HTR1F: variants seen among roughly 807,000 people sequenced by gnomAD.
The protein encoded by HTR1F is 5-hydroxytryptamine (serotonin) receptor 1F, G protein-coupled.
HTR1F carries 17 observed loss-of-function variants against 24.0 expected under a neutral mutation model. The observed-to-expected ratio is 0.71, with a 90% CI of 0.48 to 1.06. The LOEUF (loss-of-function observed/expected upper bound fraction) is 1.06. Ranked by LOEUF, HTR1F falls within the 50% of genes least tolerant of loss-of-function variation. The probability of loss-of-function intolerance (pLI) is 0.00; values close to 1 mark genes in which losing one functional copy is unlikely to be tolerated. For synonymous variants in HTR1F, 186 were observed against 156.8 expected (o/e 1.19, Z -1.39); for missense variants, 391 against 427.8 (o/e 0.91, Z 0.76).
intron 1 of HTR1F, among the ~76,000 whole-genome samples, chr3:87,807,559 C>T (rs1204092366): frequency 1.3e-4 from 20 of 151,914 alleles, no homozygotes; most frequent in Admixed American, 1.2e-3. Flanking sequence ...AAGATCATAT[C>T]GTCAGCAAAC....
intron 2 of HTR1F, among the ~76,000 whole-genome samples, chr3:87,945,832 G>C (rs116127967): frequency 6.6e-6 from 1 of 151,964 alleles, no homozygotes; most frequent in Admixed American, 6.6e-5. Context: ...GGCTTTAGAG[G>C]TCCCTTCTTG....
chr3:87,897,518 A>G (rs1706225796), intron 2 of HTR1F, among the ~76,000 whole-genome samples: 1 of 152,144 alleles, frequency 6.6e-6, no homozygotes, highest in Non-Finnish European at 1.5e-5. Context: ...TAATGGATAT[A>G]GTGATCCATG....
chr3:87,923,939 T>C (rs368279898), intron 2 of HTR1F, among the ~76,000 whole-genome samples: 4 of 152,086 alleles, frequency 2.6e-5, no homozygotes, highest in Admixed American at 6.6e-5. Context: ...ATTGAGGATA[T>C]TGGCCTTTAG....
At chr3:87,904,342 G>A (rs371956973) in intron 2 of HTR1F, among the ~76,000 whole-genome samples, 3 of 152,086 alleles carry the variant, frequency 2.0e-5, no homozygotes, top group Admixed American at 6.6e-5. Flanking sequence ...CACTCAATAC[G>A]CTTTGATTAA....
At chr3:87,822,355 G>A (rs1210201477) in intron 2 of HTR1F, among the ~76,000 whole-genome samples, 1 of 152,128 alleles carries the variant, frequency 6.6e-6, no homozygotes, top group African/African-American at 2.4e-5. Flanking sequence ...GGAAAATAGG[G>A]TGGAGACTTG....
intron 2 of HTR1F, among the ~76,000 whole-genome samples, chr3:87,963,710 A>G (rs1023040462): frequency 3.3e-5 from 5 of 152,128 alleles, no homozygotes; most frequent in African/African-American, 1.2e-4. Context: ...CAACTTCTCA[A>G]TGGAGGTGAA....
At chr3:87,796,118 T>A (rs2107052164) in intron 1 of HTR1F, among the ~76,000 whole-genome samples, 1 of 152,284 alleles carries the variant, frequency 6.6e-6, no homozygotes, top group South Asian at 2.1e-4. Context: ...TGTCAGGCAG[T>A]CACTAGTGTT....
At chr3:87,941,599 G>T (rs1704570355) in intron 2 of HTR1F, among the ~76,000 whole-genome samples, 1 of 152,136 alleles carries the variant, frequency 6.6e-6, no homozygotes. Context: ...GATAATGCCT[G>T]GCCAAATAGA....
chr3:87,914,845 G>A lies in HTR1F; in HGVS notation c.-42-75863G>A, dbSNP rs899241269. 1.7e-4 allele frequency among the ~76,000 whole-genome samples: 26 copies of A among 152,038 alleles called. 1 individual carries two copies. Among genetic ancestry groups the A allele is most frequent in the African/African-American group, 6.3e-4 (26 of 41,394 alleles). ...ATTTCCTCCCCATACTACCACAGCT[G>A]ATGCTCTCTGGAAAGCACCACCCCC... On this transcript the variant is annotated intron_variant, in intron 2 of 2. Transcript: ENST00000319595.
intron 1 of HTR1F, among the ~76,000 whole-genome samples, chr3:87,801,545 G>A (rs1703989712): frequency 1.3e-5 from 2 of 152,184 alleles, no homozygotes; most frequent in South Asian, 4.1e-4. Flanking sequence ...GAAGTACGTT[G>A]ATCTGGTCTG....
intron 2 of HTR1F, among the ~76,000 whole-genome samples, chr3:87,900,761 T>C (rs772297843): frequency 1.3e-5 from 2 of 152,192 alleles, no homozygotes; most frequent in Non-Finnish European, 2.9e-5. Context: ...CCAAGGGTTT[T>C]ATACTGAGCA....
intron 1 of HTR1F, among the ~76,000 whole-genome samples, chr3:87,808,220 G>GA (rs1208791560): frequency 1.3e-5 from 2 of 151,882 alleles, no homozygotes; most frequent in East Asian, 3.9e-4. Context: ...CAGTTTGATA[G>GA]AATTTGGCAG....
At chr3:87,886,238 A>G (rs1239356025) in intron 2 of HTR1F, among the ~76,000 whole-genome samples, 1 of 152,164 alleles carries the variant, frequency 6.6e-6, no homozygotes, top group Non-Finnish European at 1.5e-5. Context: ...AAGGACAAAA[A>G]CCACATGATT....
At chr3:87,856,508 T>C (rs1482740336) in intron 2 of HTR1F, among the ~76,000 whole-genome samples, 1 of 152,108 alleles carries the variant, frequency 6.6e-6, no homozygotes, top group African/African-American at 2.4e-5. Flanking sequence ...TTTGAAAGTT[T>C]AAAGTGTCCC....
rs10540515 is a variant in HTR1F at position 87,880,646 on chromosome 3, T to TTGTGTG, written c.-43+58548_-43+58553dup. Among the ~76,000 whole-genome samples the TTGTGTG allele has an allele frequency of 8.0e-3, 1,174 of 147,258 alleles. 8 individuals carry two copies. The highest frequency in any genetic ancestry group is 0.023 in the African/African-American group (943 of 40,436). ...AGCTACAAAATGTGTGTGTGTTTGT[T>TTGTGTG]TGTGTGTGTGTGTGTGTGTGTGTGT... On this transcript the variant is annotated intron_variant, in intron 2 of 2. Transcript: ENST00000319595.
intron 2 of HTR1F, among the ~76,000 whole-genome samples, chr3:87,861,595 A>G (rs910536806): frequency 1.3e-5 from 2 of 152,162 alleles, no homozygotes; most frequent in African/African-American, 2.4e-5. Flanking sequence ...AATATTTAAC[A>G]TGCCTTACAG....
chr3:87,850,425 A>T (rs925278890), intron 2 of HTR1F, among the ~76,000 whole-genome samples: 2 of 151,878 alleles, frequency 1.3e-5, no homozygotes, highest in African/African-American at 4.9e-5. Context: ...ACATGAACAC[A>T]GGAAGGGTAA....
At chr3:87,947,629 GC>G (rs1173906866) in intron 2 of HTR1F, among the ~76,000 whole-genome samples, 1 of 151,990 alleles carries the variant, frequency 6.6e-6, no homozygotes, top group Admixed American at 6.6e-5. Context: ...ACCCCAAAAG[GC>G]CAGCAATAGC....
At chr3:87,903,284 T>G (rs1212989237) in intron 2 of HTR1F, among the ~76,000 whole-genome samples, 1 of 140,856 alleles carries the variant, frequency 7.1e-6, no homozygotes. Flanking sequence ...TGGGATCTAA[T>G]TAAACTAAAG....
Sources: allele counts gnomAD v4.1 joint callset (sites outside exome capture counted in the v4.1 genomes callset), GRCh38; gene constraint gnomAD v4.1.1; transcripts MANE v1.5; gene names NCBI Gene and HGNC (gene_info 2026-07-23, HGNC 2026-07-21).